COL19A1: variants seen among roughly 807,000 people sequenced by gnomAD.
COL19A1 encodes the protein collagen type XIX alpha 1 chain, also known as collagen alpha-1(XIX) chain.
COL19A1 carries 159 observed loss-of-function variants against 190.2 expected under a neutral mutation model. The ratio of observed to expected loss-of-function variants is 0.84; its 90% CI spans 0.73 to 0.95. The LOEUF (loss-of-function observed/expected upper bound fraction) is 0.95, where lower values mean the gene tolerates loss of function less well. COL19A1 is among the 40% of genes least tolerant of loss of function. COL19A1 has a pLI of 0.00. For missense variants in COL19A1, 1,418 were observed against 1,431.9 expected, an observed-to-expected ratio of 0.99 and a Z score of 0.16; for synonymous variants, 509 against 458.9, an observed-to-expected ratio of 1.11 and a Z score of -1.39.
At chr6:69,997,024 TATAGAGAGAGAG>T (rs1462542709) in intron 11 of COL19A1, among the ~76,000 whole-genome samples, 1 of 143,786 alleles carries the variant, frequency 7.0e-6, no homozygotes, top group African/African-American at 2.8e-5. Flanking sequence ...CATATATATA[TATAGAGAGAGAG>T]AGAGAGAGAG....
chr6:70,072,465 T>C (rs1781616039), intron 15 of COL19A1, among the ~76,000 whole-genome samples: 1 of 152,126 alleles, frequency 6.6e-6, no homozygotes, highest in Admixed American at 6.6e-5. Context: ...ACCTCACTCT[T>C]GCACTCTGTT....
chr6:70,199,477 C>A (rs1359890900), intron 48 of COL19A1, 131 bp from the exon 49 acceptor site: 2 of 662,122 alleles, frequency 3.0e-6, no homozygotes, highest in Non-Finnish European at 4.5e-6. Flanking sequence ...GCAGTCAGAC[C>A]AGTTGGTAAA....
intron 12 of COL19A1, among the ~76,000 whole-genome samples, chr6:70,025,793 A>C (rs1229750720): frequency 6.6e-6 from 1 of 152,252 alleles, no homozygotes. Flanking sequence ...ATTATGACAG[A>C]GTAAAATATA....
chr6:70,123,650 C>A (rs1441996565), intron 17 of COL19A1, among the ~76,000 whole-genome samples: 1 of 137,816 alleles, frequency 7.3e-6, no homozygotes, highest in Non-Finnish European at 1.5e-5. Context: ...GACTTCATGT[C>A]CTTGTTAGGG....
intron 4 of COL19A1, among the ~76,000 whole-genome samples, chr6:69,911,601 T>C (rs1466620287): frequency 6.6e-6 from 1 of 152,202 alleles, no homozygotes; most frequent in Non-Finnish European, 1.5e-5. Flanking sequence ...TGACCAGATG[T>C]TTTGTGTTCA....
intron 30 of COL19A1, among the ~76,000 whole-genome samples, chr6:70,151,120 A>G (rs1238194743): frequency 1.3e-5 from 2 of 152,168 alleles, no homozygotes; most frequent in African/African-American, 4.8e-5. Flanking sequence ...TTGCCATGAA[A>G]ATATAAAATA....
At chr6:70,030,500 C>A (rs950409042) in intron 12 of COL19A1, among the ~76,000 whole-genome samples, 3 of 152,058 alleles carry the variant, frequency 2.0e-5, no homozygotes, top group Non-Finnish European at 4.4e-5. Flanking sequence ...AATGCTGTAC[C>A]TAATGTTTCC....
chr6:69,934,467 A>G (rs769435755), intron 7 of COL19A1, among the ~76,000 whole-genome samples: 9 of 151,964 alleles, frequency 5.9e-5, no homozygotes, highest in Non-Finnish European at 1.3e-4. Flanking sequence ...TGAATATTAT[A>G]TAATTAGCCA....
chr6:70,088,270 T>C (rs1190427040), intron 15 of COL19A1, among the ~76,000 whole-genome samples: 1 of 152,218 alleles, frequency 6.6e-6, no homozygotes, highest in Non-Finnish European at 1.5e-5. Flanking sequence ...GGTATGTTTT[T>C]ATTCCTTTTT....
At chr6:70,034,876 T>C (rs1779266670) in intron 13 of COL19A1, among the ~76,000 whole-genome samples, 1 of 152,222 alleles carries the variant, frequency 6.6e-6, no homozygotes, top group African/African-American at 2.4e-5. Context: ...TCTCCATTTT[T>C]AGCACATTTA....
At position 70,052,130 on chromosome 6, in the gene COL19A1, T is replaced by G. The variant is rs558942062; in HGVS notation, c.1170+16191T>G. On this transcript the variant is annotated intron_variant, in intron 14 of 50. Coordinates refer to ENST00000620364, the MANE Select transcript of COL19A1 (RefSeq NM_001858.6). ...AAAACTGCAACAGACTCAGTGTGTCTCCGACTTTGGCCCAAGTGGGCAACC... is the reference window on the plus strand; with the variant it reads ...AAAACTGCAACAGACTCAGTGTGTCGCCGACTTTGGCCCAAGTGGGCAACC... Among the ~76,000 whole-genome samples, 16 of 152,190 alleles carry G rather than the reference T, an allele frequency of 1.1e-4. No homozygotes were observed. In the East Asian group the frequency reaches 2.9e-3, roughly 28 times the overall value.
intron 1 of COL19A1, among the ~76,000 whole-genome samples, chr6:69,875,797 A>C (rs1464100642): frequency 6.6e-6 from 1 of 152,162 alleles, no homozygotes; most frequent in Non-Finnish European, 1.5e-5. Flanking sequence ...AGAATTTTGA[A>C]TAGGCAGCTG....
At chr6:69,931,122 G>A (rs1772734350) in intron 6 of COL19A1, among the ~76,000 whole-genome samples, 1 of 152,072 alleles carries the variant, frequency 6.6e-6, no homozygotes, top group South Asian at 2.1e-4. Flanking sequence ...GATCTGTTAT[G>A]GTGTGAAAAT....
At chr6:69,904,737 CA>C (rs1320573614) in intron 4 of COL19A1, among the ~76,000 whole-genome samples, 9 of 152,230 alleles carry the variant, frequency 5.9e-5, no homozygotes, top group Non-Finnish European at 1.3e-4. Context: ...GTCAAACTTA[CA>C]GCTGTTGCTA....
At chr6:70,021,000 A>T (rs1368554949) in intron 11 of COL19A1, among the ~76,000 whole-genome samples, 3 of 152,018 alleles carry the variant, frequency 2.0e-5, no homozygotes, top group Non-Finnish European at 4.4e-5. Flanking sequence ...AGAGACATTG[A>T]CTCCTACTTT....
At chr6:70,190,703 A>G (rs1766810540) in intron 48 of COL19A1, among the ~76,000 whole-genome samples, 2 of 152,148 alleles carry the variant, frequency 1.3e-5, no homozygotes, top group Admixed American at 1.3e-4. Context: ...TATGGAGTAA[A>G]TGTGTCTAGC....
At chr6:70,113,006 GC>G (rs1784368965) in intron 16 of COL19A1, among the ~76,000 whole-genome samples, 1 of 152,200 alleles carries the variant, frequency 6.6e-6, no homozygotes, top group African/African-American at 2.4e-5. Context: ...ATCCAGAGCT[GC>G]CTTTGCTGCA....
rs144878607 is a variant in COL19A1, at chr6:70,208,358, A to C, written c.*1084A>C. 1 of 152,300 alleles carries C rather than the reference A, an allele frequency of 6.6e-6. No homozygotes were observed. 9.4% of individuals were successfully genotyped at this position (152,300 alleles called of 1,614,324 possible). On this transcript the variant is annotated 3_prime_UTR_variant, in exon 51 of 51. Transcript: ENST00000620364. The stretch of plus-strand genomic sequence containing the variant: ...TGAAGCCCAAAAGCTCTTAAGGAGA[A>C]TTGTATTTCTCCAGAAGCTGCAGCA...
intron 27 of COL19A1, 119 bp from the exon 28 acceptor site, chr6:70,149,585 A>T: frequency 8.0e-7 from 1 of 1,256,456 alleles, no homozygotes; most frequent in Non-Finnish European, 1.1e-6. Context: ...CCACGTGTGT[A>T]CGGTGGCAAA....
Sources: gnomAD v4.1 joint callset for allele counts (sites outside exome capture counted in the v4.1 genomes callset) on GRCh38, gnomAD v4.1.1 for gene constraint, MANE v1.5 for transcripts, NCBI Gene and HGNC (gene_info 2026-07-23, HGNC 2026-07-21) for gene names.